Variants in BLK observed in about 807,000 individuals in gnomAD.
The protein encoded by BLK is BLK proto-oncogene, Src family tyrosine kinase.
In BLK, 64 loss-of-function variants were observed where a neutral mutation model predicts 61.8. That is an observed-to-expected ratio of 1.03 (90% confidence interval 0.85 to 1.27). The LOEUF (loss-of-function observed/expected upper bound fraction) is 1.27, where lower values mean the gene tolerates loss of function less well. Among genes scored for constraint, BLK ranks in the 50% most tolerant of loss-of-function variants. The pLI is 0.00. For missense variants in BLK, 853 were observed against 660.5 expected (o/e 1.29, Z -3.19); for synonymous variants, 351 against 272.0 (o/e 1.29, Z -2.86).
chr8:11,505,897 C>T (rs991044184), intron 1 of BLK, among the ~76,000 whole-genome samples: 1 of 152,200 alleles, frequency 6.6e-6, no homozygotes, highest in Non-Finnish European at 1.5e-5. Flanking sequence ...CTGAAATGCC[C>T]ATCTCCTTCA....
intron 1 of BLK, among the ~76,000 whole-genome samples, chr8:11,497,758 A>C (rs991437904): frequency 6.6e-6 from 1 of 152,254 alleles, no homozygotes; most frequent in Non-Finnish European, 1.5e-5. Flanking sequence ...TGCCATCAGC[A>C]TGCTGGGGTT....
At chr8:11,562,021 G>A (rs1339294434) in intron 11 of BLK, among the ~76,000 whole-genome samples, 1 of 152,134 alleles carries the variant, frequency 6.6e-6, no homozygotes, top group Non-Finnish European at 1.5e-5. Context: ...GTTTCACCAT[G>A]TTGGCCAGGC....
At chr8:11,519,252 G>C (rs1220502354) in intron 1 of BLK, among the ~76,000 whole-genome samples, 1 of 152,222 alleles carries the variant, frequency 6.6e-6, no homozygotes, top group Non-Finnish European at 1.5e-5. Flanking sequence ...GGGTGCTAGA[G>C]GACCTCGCTA....
intron 9 of BLK, among the ~76,000 whole-genome samples, chr8:11,557,684 G>A (rs570097288): frequency 2.0e-5 from 3 of 152,272 alleles, no homozygotes; most frequent in South Asian, 4.1e-4. Flanking sequence ...CCCAGCTCCC[G>A]GCTGGGTGAC....
chr8:11,558,632 C>T, intron 10 of BLK: 1 of 455,910 alleles, frequency 2.2e-6, no homozygotes, highest in Non-Finnish European at 4.4e-6. Flanking sequence ...AGGACTGGTC[C>T]TCAGTGTCCC....
At chr8:11,531,873 T>G (rs1365436290) in intron 1 of BLK, among the ~76,000 whole-genome samples, 3 of 152,214 alleles carry the variant, frequency 2.0e-5, no homozygotes, top group Non-Finnish European at 4.4e-5. Flanking sequence ...GTTTGTTTGT[T>G]TTTGAGACAG....
At chr8:11,542,328 A>G (rs1352021589) in intron 1 of BLK, among the ~76,000 whole-genome samples, 1 of 152,250 alleles carries the variant, frequency 6.6e-6, no homozygotes, top group Non-Finnish European at 1.5e-5. Context: ...GTACATCCAA[A>G]GGAAATCACC....
At chr8:11,537,128 A>G (rs1169506198) in intron 1 of BLK, among the ~76,000 whole-genome samples, 9 of 152,210 alleles carry the variant, frequency 5.9e-5, no homozygotes, top group Non-Finnish European at 1.3e-4. Context: ...GCCTCATTTC[A>G]GTGGTGTTGT....
rs1585417163 is a variant in BLK at position 11,558,046 on chromosome 8, A to G, written c.1029+8A>G. 3 of 1,613,888 alleles carry G rather than the reference A, an allele frequency of 1.9e-6. No homozygotes were observed. In the East Asian group the frequency reaches 6.7e-5, roughly 36 times the overall value. On this transcript the variant is annotated splice_region_variant and intron_variant, in intron 10 of 12. Transcript: ENST00000259089. ...ATTGACATGTCGGCGCAGGTTGGTG[A>G]AGTACCAGGTGCAGAGAAAGGGCGG...
At chr8:11,512,446 A>T (rs1799051046) in intron 1 of BLK, among the ~76,000 whole-genome samples, 1 of 152,258 alleles carries the variant, frequency 6.6e-6, no homozygotes, top group African/African-American at 2.4e-5. Context: ...GGATAGTCTG[A>T]AAGCCCAACA....
intron 1 of BLK, among the ~76,000 whole-genome samples, chr8:11,507,013 G>C (rs1396847292): frequency 6.6e-6 from 1 of 152,218 alleles, no homozygotes. Flanking sequence ...GGTGCGGGTA[G>C]GGAAAATAAC....
chr8:11,523,049 T>G (rs1799515574), intron 1 of BLK, among the ~76,000 whole-genome samples: 1 of 138 alleles, frequency 7.2e-3, no homozygotes, highest in South Asian at 0.17. Context: ...AGTGTCACAT[T>G]ATTTTCTGTT....
chr8:11,518,375 C>A (rs772242702), intron 1 of BLK, among the ~76,000 whole-genome samples: 16 of 152,118 alleles, frequency 1.1e-4, no homozygotes, highest in Non-Finnish European at 2.2e-4. Context: ...CCTGTAGATG[C>A]CCGCTAGATA....
intron 3 of BLK, among the ~76,000 whole-genome samples, chr8:11,546,700 C>T (rs1199286991): frequency 3.9e-5 from 6 of 152,308 alleles, no homozygotes; most frequent in African/African-American, 1.4e-4. Flanking sequence ...CTCAGCCTCC[C>T]AAGTAGCTGG....
chr8:11,496,310 G>A (rs187352999), intron 1 of BLK, among the ~76,000 whole-genome samples: 2 of 152,148 alleles, frequency 1.3e-5, no homozygotes, highest in African/African-American at 2.4e-5. Context: ...AGAGATCATC[G>A]CTCACTGCAG....
At position 11,512,340 on chromosome 8, in the gene BLK, G is replaced by T. The variant is rs77705459; in HGVS notation, c.-2+17749G>T. ...AGAACTTGTTATGATCTCTTAACAAGGTCTAGCCAATATCATTATAAGCAC... is the reference window on the plus strand; with the variant it reads ...AGAACTTGTTATGATCTCTTAACAATGTCTAGCCAATATCATTATAAGCAC... On this transcript the variant is annotated intron_variant, in intron 1 of 12. Transcript: ENST00000259089. 6.0e-3 allele frequency among the ~76,000 whole-genome samples: 913 copies of T among 152,246 alleles called. 9 individuals are homozygous for T. The highest frequency in any genetic ancestry group is 0.017 in the African/African-American group (725 of 41,550).
intron 1 of BLK, among the ~76,000 whole-genome samples, chr8:11,525,866 T>G (rs1799633866): frequency 6.6e-6 from 1 of 152,138 alleles, no homozygotes; most frequent in South Asian, 2.1e-4. Context: ...TGCCTTAGCC[T>G]CCTGAGTAGC....
At chr8:11,549,929 G>A (rs1016287112) in intron 5 of BLK, 33 of 568,846 alleles carry the variant, frequency 5.8e-5, no homozygotes, top group Admixed American at 1.7e-4. Context: ...TTCTTGTTTC[G>A]TTCTAGGAAA....
chr8:11,509,563 G>C (rs991262911), intron 1 of BLK: 1 of 152,190 alleles, frequency 6.6e-6, no homozygotes, highest in Non-Finnish European at 1.5e-5. Context: ...CCCAGCTCGG[G>C]TTCTGTGGTT....
Sources: gnomAD v4.1 joint callset for allele counts (sites outside exome capture counted in the v4.1 genomes callset) on GRCh38, gnomAD v4.1.1 for gene constraint, MANE v1.5 for transcripts, NCBI Gene and HGNC (gene_info 2026-07-23, HGNC 2026-07-21) for gene names.